HTR7: variants seen among roughly 807,000 people sequenced by gnomAD.
The protein encoded by HTR7 is 5-hydroxytryptamine receptor 7, also known as 5-HT-7.
In HTR7, 16 loss-of-function variants were observed where a neutral mutation model predicts 34.0. The ratio of observed to expected loss-of-function variants is 0.47; its 90% CI spans 0.32 to 0.71. The LOEUF (loss-of-function observed/expected upper bound fraction) is 0.71. Ranked by LOEUF, HTR7 falls within the 30% of genes least tolerant of loss-of-function variation. The pLI is 0.04. For synonymous variants in HTR7, 265 were observed against 260.2 expected (o/e 1.02, Z -0.18); for missense variants, 504 against 625.5 (o/e 0.81, Z 2.07).
At chr10:90,755,942 T>C (rs1442089906) in intron 1 of HTR7, among the ~76,000 whole-genome samples, 1 of 152,210 alleles carries the variant, frequency 6.6e-6, no homozygotes, top group African/African-American at 2.4e-5. Flanking sequence ...CAAATGAAAC[T>C]AATCCACTCT....
At chr10:90,753,598 T>G (rs1030425212) in intron 1 of HTR7, among the ~76,000 whole-genome samples, 2 of 152,186 alleles carry the variant, frequency 1.3e-5, no homozygotes, top group African/African-American at 4.8e-5. Context: ...GTTTGGCAAT[T>G]ATCACACATC....
At position 90,746,608 on chromosome 10, in the gene HTR7, T is replaced by C. The variant is rs531819400; in HGVS notation, c.1295+2231A>G. Reference sequence around the variant, plus strand: ...AATGCTGCAGCCAGGCAAAATAACCTAGCTATTTGTTCTAGGAAATAGTCA... The same window carrying C: ...AATGCTGCAGCCAGGCAAAATAACCCAGCTATTTGTTCTAGGAAATAGTCA... On this transcript the variant is annotated intron_variant, in intron 2 of 3. Transcript: ENST00000336152. 3.3e-5 allele frequency among the ~76,000 whole-genome samples: 5 copies of C among 152,332 alleles called. No individual in the cohort carries two copies. The South Asian group carries it at 8.3e-4, about 25-fold the overall frequency.
chr10:90,792,465 T>C (rs1206300635), intron 1 of HTR7, among the ~76,000 whole-genome samples: 2 of 152,078 alleles, frequency 1.3e-5, no homozygotes, highest in African/African-American at 4.8e-5. Flanking sequence ...ATCTTTTTCA[T>C]AGGATTTTTC....
At chr10:90,831,783 G>A (rs1374002881) in intron 1 of HTR7, among the ~76,000 whole-genome samples, 1 of 152,172 alleles carries the variant, frequency 6.6e-6, no homozygotes, top group Non-Finnish European at 1.5e-5. Context: ...GCTAGATACA[G>A]AGTGTCGACT....
chr10:90,852,639 T>C (rs560082597), intron 1 of HTR7, among the ~76,000 whole-genome samples: 3 of 152,300 alleles, frequency 2.0e-5, no homozygotes, highest in African/African-American at 4.8e-5. Context: ...TATGGTATAT[T>C]TATACAACGG....
chr10:90,765,002 C>T (rs374019624), intron 1 of HTR7, among the ~76,000 whole-genome samples: 1 of 152,108 alleles, frequency 6.6e-6, no homozygotes, highest in African/African-American at 2.4e-5. Context: ...TTTTCTCATA[C>T]AGTCCTCATC....
At position 90,815,897 on chromosome 10, in the gene HTR7, T is replaced by C. The variant is rs139736107; in HGVS notation, c.539+41236A>G. 7.9e-4 allele frequency among the ~76,000 whole-genome samples: 121 copies of C among 152,324 alleles called. No individual in the cohort carries two copies. The Middle Eastern group carries it at 0.031, about 39-fold the overall frequency. On this transcript the variant is annotated intron_variant, in intron 1 of 3. Coordinates refer to ENST00000336152, the MANE Select transcript of HTR7 (RefSeq NM_019859.4). ...GCAAAAGTCTGTGAGCACTTCCCAA[T>C]GATGATTACTGAGACTTTAAGAGAA...
intron 1 of HTR7, among the ~76,000 whole-genome samples, chr10:90,760,648 G>A (rs1844920554): frequency 6.6e-6 from 1 of 152,168 alleles, no homozygotes; most frequent in South Asian, 2.1e-4. Context: ...GGGAGGCCAA[G>A]GCAAGTGGAT....
At chr10:90,754,232 T>C (rs758278637) in intron 1 of HTR7, among the ~76,000 whole-genome samples, 3 of 152,098 alleles carry the variant, frequency 2.0e-5, no homozygotes, top group Non-Finnish European at 4.4e-5. Flanking sequence ...TTTATTAGAA[T>C]ACATTCATAA....
Position 90,857,683 on chromosome 10 carries a change from G to A in HTR7, c.-12C>T, listed in dbSNP as rs748269332. 546 of 1,529,584 alleles carry A rather than the reference G, an allele frequency of 3.6e-4. 1 individual carries two copies. Among genetic ancestry groups the A allele is most frequent in the Non-Finnish European group, 2.3e-4 (264 of 1,150,046 alleles). 94.8% of individuals were successfully genotyped at this position (1,529,584 alleles called of 1,614,324 possible). ...TTAACGTCCATCATCGCGCCGCCGTGTGCCGCTGCCCATGGAGCCGGCGCC... is the reference window on the plus strand; with the variant it reads ...TTAACGTCCATCATCGCGCCGCCGTATGCCGCTGCCCATGGAGCCGGCGCC... On this transcript the variant is annotated 5_prime_UTR_variant, in exon 1 of 4. Transcript: ENST00000336152. This position sits in a 1 kb window ranked among gnomAD's most constrained non-coding sequence, Gnocchi z 6.5.
chr10:90,803,419 T>C (rs1845659367), intron 1 of HTR7, among the ~76,000 whole-genome samples: 1 of 152,158 alleles, frequency 6.6e-6, no homozygotes, highest in South Asian at 2.1e-4. Flanking sequence ...ACATCTCACT[T>C]GAGGTGTTTT....
At chr10:90,744,724 T>C (rs181425845) in intron 2 of HTR7, among the ~76,000 whole-genome samples, 2 of 151,574 alleles carry the variant, frequency 1.3e-5, no homozygotes, top group East Asian at 3.9e-4. Context: ...CTACAGAGAG[T>C]TGGGATGGGA....
At chr10:90,832,322 C>T (rs919257968) in intron 1 of HTR7, among the ~76,000 whole-genome samples, 1 of 152,178 alleles carries the variant, frequency 6.6e-6, no homozygotes, top group Admixed American at 6.5e-5. Flanking sequence ...AGCCCTGCCC[C>T]GAGGAGAGGC....
At chr10:90,807,425 C>A (rs1341812745) in intron 1 of HTR7, among the ~76,000 whole-genome samples, 1 of 152,088 alleles carries the variant, frequency 6.6e-6, no homozygotes, top group Admixed American at 6.5e-5. Flanking sequence ...GACATTCCAC[C>A]ACAAAAGAAG....
At chr10:90,794,897 C>T (rs1845515459) in intron 1 of HTR7, among the ~76,000 whole-genome samples, 1 of 152,194 alleles carries the variant, frequency 6.6e-6, no homozygotes, top group South Asian at 2.1e-4. Context: ...AGGCATTGTG[C>T]TATGACGTAA....
At chr10:90,802,996 C>CTTTTTTTT (rs35715510) in intron 1 of HTR7, among the ~76,000 whole-genome samples, 79 of 89,008 alleles carry the variant, frequency 8.9e-4, no homozygotes, top group Non-Finnish European at 1.4e-3. Context: ...CATTTGTGGC[C>CTTTTTTTT]TTTTTTTTTT....
chr10:90,749,217 G>T lies in HTR7; in HGVS notation c.917C>A (p.Ser306Ter). ...QKEVEECANL[S>*]RLLKHERKNI... ...TTTCCTTTCATGCTTGAGGAGTCTC[G>T]AAAGGTTTGCACACTCTTCCACCTC... Residue 306 changes from serine to a stop codon, truncating the protein, a stop_gained, in exon 2 of 4, where the codon TCG becomes TAG. Coordinates refer to ENST00000336152, the MANE Select transcript of HTR7 (RefSeq NM_019859.4). LOFTEE classifies it high-confidence loss of function. The surrounding 1 kb of genome is among the most constrained non-coding windows in gnomAD (Gnocchi z 4.2). 1 of 1,613,954 alleles carries T rather than the reference G, an allele frequency of 6.2e-7. No homozygotes were observed. The highest frequency in any genetic ancestry group is 8.5e-7 in the Non-Finnish European group (1 of 1,179,974).
At chr10:90,750,463 C>T (rs1458386701) in intron 1 of HTR7, among the ~76,000 whole-genome samples, 1 of 152,138 alleles carries the variant, frequency 6.6e-6, no homozygotes, top group Non-Finnish European at 1.5e-5. Context: ...CTGCCAAATG[C>T]TTAATATTTT....
At chr10:90,780,845 A>T (rs1297618067) in intron 1 of HTR7, among the ~76,000 whole-genome samples, 1 of 152,254 alleles carries the variant, frequency 6.6e-6, no homozygotes, top group Non-Finnish European at 1.5e-5. Flanking sequence ...AGAGACAGAC[A>T]TAACCCCTAG....
Sources: allele counts gnomAD v4.1 joint callset (sites outside exome capture counted in the v4.1 genomes callset), GRCh38; gene constraint gnomAD v4.1.1; non-coding constraint Gnocchi (gnomAD v3.1); transcripts MANE v1.5; gene names NCBI Gene and HGNC (gene_info 2026-07-23, HGNC 2026-07-21).